The following ZCWPW2 variants were observed in gnomAD, a reference collection of about 807,000 sequenced individuals.
ZCWPW2 encodes the protein zinc finger CW-type and PWWP domain containing 2.
In ZCWPW2, 45 loss-of-function variants were observed where a neutral mutation model predicts 46.6. That is an observed-to-expected ratio of 0.96 (90% CI 0.76 to 1.24). ZCWPW2 has a LOEUF of 1.24. Among genes scored for constraint, ZCWPW2 ranks in the 50% most tolerant of loss-of-function variants. The probability of loss-of-function intolerance (pLI) is 0.00; values close to 1 mark genes in which losing one functional copy is unlikely to be tolerated. For synonymous variants in ZCWPW2, 152 were observed against 137.1 expected, an observed-to-expected ratio of 1.11 and a Z score of -0.76; for missense variants, 429 against 403.9, an observed-to-expected ratio of 1.06 and a Z score of -0.53.
chr3:28,410,467 C>A (rs181360595), intron 2 of ZCWPW2, among the ~76,000 whole-genome samples: 169 of 151,888 alleles, frequency 1.1e-3, no homozygotes, highest in Non-Finnish European at 1.8e-3. Flanking sequence ...TTAAGTAGGG[C>A]CACAAAACAA....
intron 4 of ZCWPW2, among the ~76,000 whole-genome samples, chr3:28,470,035 C>T (rs1337298846): frequency 6.6e-6 from 1 of 152,102 alleles, no homozygotes; most frequent in East Asian, 1.9e-4. Context: ...GGTCACAAAA[C>T]AAGTCTTAAA....
intron 5 of ZCWPW2, among the ~76,000 whole-genome samples, chr3:28,486,011 C>T (rs576209504): frequency 6.6e-6 from 1 of 151,812 alleles, no homozygotes; most frequent in South Asian, 2.1e-4. Flanking sequence ...TTTTGTCTTT[C>T]ACTCTTTTTC....
chr3:28,444,817 C>T (rs1193696071), intron 4 of ZCWPW2, among the ~76,000 whole-genome samples: 1 of 152,166 alleles, frequency 6.6e-6, no homozygotes, highest in Non-Finnish European at 1.5e-5. Flanking sequence ...CAACCAGCTT[C>T]ATTATAGTCC....
At chr3:28,399,703 A>C (rs1170050337) in intron 2 of ZCWPW2, among the ~76,000 whole-genome samples, 1 of 152,194 alleles carries the variant, frequency 6.6e-6, no homozygotes, top group Non-Finnish European at 1.5e-5. Flanking sequence ...CTCAGCTCTT[A>C]GGAAGCCATG....
intron 1 of ZCWPW2, among the ~76,000 whole-genome samples, chr3:28,366,737 C>A (rs1182408610): frequency 6.6e-6 from 1 of 152,274 alleles, no homozygotes; most frequent in South Asian, 2.1e-4. Context: ...CCTCCTTGTA[C>A]CTCTGGTAGA....
At chr3:28,408,759 T>C (rs1361671073) in intron 2 of ZCWPW2, among the ~76,000 whole-genome samples, 10 of 152,210 alleles carry the variant, frequency 6.6e-5, no homozygotes, top group Non-Finnish European at 5.9e-5. Context: ...AGAATGTCCT[T>C]GAATGAACTC....
chr3:28,479,001 T>C, intron 5 of ZCWPW2, 70 bp downstream of exon 5: 1 of 1,004,506 alleles, frequency 1.0e-6, no homozygotes, highest in African/African-American at 1.7e-5. Flanking sequence ...CCAAAATATG[T>C]TTGCTCATTC....
At chr3:28,440,691 G>T (rs140479624) in intron 4 of ZCWPW2, among the ~76,000 whole-genome samples, 1 of 152,182 alleles carries the variant, frequency 6.6e-6, no homozygotes, top group East Asian at 1.9e-4. Flanking sequence ...CCACTGCCAC[G>T]CTTCTTTAGC....
chr3:28,492,089 G>T, intron 5 of ZCWPW2, 38 bp from the exon 6 acceptor site: 1 of 1,597,624 alleles, frequency 6.3e-7, no homozygotes, highest in African/African-American at 1.3e-5. Context: ...AGGAACATAG[G>T]CACTTTTTTG....
chr3:28,492,555 A>C (rs1699846343), intron 6 of ZCWPW2, among the ~76,000 whole-genome samples: 1 of 152,124 alleles, frequency 6.6e-6, no homozygotes, highest in African/African-American at 2.4e-5. Context: ...CATGGTGTCT[A>C]CCTTAAACTT....
In ZCWPW2 at chr3:28,477,215, T is replaced by C. The variant is rs148673250; in HGVS notation, c.493-1599T>C. ...TAGACATCCTTAAAATAATTTAAAA[T>C]TTCCAATATTTAGTGAATTGTATCT... is the stretch of plus-strand genomic sequence containing the variant. On this transcript the variant is annotated intron_variant, in intron 4 of 9. Coordinates refer to ENST00000383768, the MANE Select transcript of ZCWPW2 (RefSeq NM_001040432.4). 2.5e-3 allele frequency among the ~76,000 whole-genome samples: 379 copies of C among 152,348 alleles called. 1 individual carries two copies. The highest frequency in any genetic ancestry group is 8.3e-3 in the African/African-American group (347 of 41,582).
intron 1 of ZCWPW2, among the ~76,000 whole-genome samples, chr3:28,368,557 G>T (rs1181995828): frequency 1.3e-5 from 2 of 152,086 alleles, no homozygotes; most frequent in Non-Finnish European, 2.9e-5. Context: ...TCCCTTTGTG[G>T]GTAACCCGAC....
intron 1 of ZCWPW2, among the ~76,000 whole-genome samples, chr3:28,377,065 A>T (rs1222688119): frequency 6.9e-6 from 1 of 143,930 alleles, no homozygotes; most frequent in Admixed American, 7.3e-5. Context: ...AACTCACTGC[A>T]TGATGATTTT....
At chr3:28,475,146 A>G (rs1699192661) in intron 4 of ZCWPW2, among the ~76,000 whole-genome samples, 1 of 151,846 alleles carries the variant, frequency 6.6e-6, no homozygotes, top group African/African-American at 2.4e-5. Context: ...GCCCGCCCCA[A>G]ACTCTTGATC....
intron 2 of ZCWPW2, among the ~76,000 whole-genome samples, chr3:28,391,828 C>T (rs536512980): frequency 6.6e-6 from 1 of 152,182 alleles, no homozygotes; most frequent in African/African-American, 2.4e-5. Context: ...ATTTTGCCAC[C>T]CCAGGACCAG....
chr3:28,435,362 T>C lies in ZCWPW2; in HGVS notation c.492+93T>C, dbSNP rs1697437911. 9 of 1,274,562 alleles carry C rather than the reference T, an allele frequency of 7.1e-6. No homozygotes were observed. The South Asian group carries it at 1.4e-4, about 19-fold the overall frequency. 79.0% of individuals were successfully genotyped at this position (1,274,562 alleles called of 1,614,324 possible). Reference sequence around the variant, plus strand: ...TGATCATAAAATATGTATAAGTTGCTTTTAGATTGATATAATGTATGCTGT... The same window carrying C: ...TGATCATAAAATATGTATAAGTTGCCTTTAGATTGATATAATGTATGCTGT... On this transcript the variant is annotated intron_variant, in intron 4 of 9. Transcript: ENST00000383768.
chr3:28,497,629 A>T (rs942472391), intron 6 of ZCWPW2, among the ~76,000 whole-genome samples: 1 of 152,090 alleles, frequency 6.6e-6, no homozygotes, highest in Admixed American at 6.6e-5. Context: ...ACCTTGAGGA[A>T]TAAGTTGTTA....
intron 1 of ZCWPW2, among the ~76,000 whole-genome samples, chr3:28,379,691 T>C (rs1316875247): frequency 1.3e-5 from 2 of 152,056 alleles, no homozygotes; most frequent in Non-Finnish European, 2.9e-5. Context: ...TACAAGGAAA[T>C]GATTGTACTC....
intron 4 of ZCWPW2, among the ~76,000 whole-genome samples, chr3:28,452,045 G>T (rs1698243329): frequency 6.6e-6 from 1 of 152,142 alleles, no homozygotes; most frequent in Admixed American, 6.5e-5. Flanking sequence ...AAGGTTGAAG[G>T]AATTAGAGCA....
Sources: allele counts gnomAD v4.1 joint callset (sites outside exome capture counted in the v4.1 genomes callset), GRCh38; gene constraint gnomAD v4.1.1; transcripts MANE v1.5; gene names NCBI Gene and HGNC (gene_info 2026-07-23, HGNC 2026-07-21).